Variants in RBFOX1 observed in about 807,000 individuals in gnomAD.
The protein encoded by RBFOX1 is RNA binding protein fox-1 homolog 1.
RBFOX1 carries 8 observed loss-of-function variants against 57.7 expected under a neutral mutation model. The ratio of observed to expected loss-of-function variants is 0.14; its 90% confidence interval spans 0.08 to 0.25. RBFOX1 has a LOEUF of 0.25. RBFOX1 is among the 10% of genes least tolerant of loss of function. RBFOX1 has a pLI of 1.00. For synonymous variants in RBFOX1, 326 were observed against 222.4 expected, an observed-to-expected ratio of 1.47 and a Z score of -4.15; for missense variants, 611 against 548.5, an observed-to-expected ratio of 1.11 and a Z score of -1.14.
At chr16:6,766,940 G>A (rs1261072731) in intron 3 of RBFOX1, among the ~76,000 whole-genome samples, 1 of 152,096 alleles carries the variant, frequency 6.6e-6, no homozygotes, top group Non-Finnish European at 1.5e-5. Context: ...GCAGCCCGTG[G>A]TACTAGCCCT....
intron 2 of RBFOX1, among the ~76,000 whole-genome samples, chr16:6,448,156 CTTTTTTTT>C (rs397969435): frequency 5.1e-5 from 4 of 78,460 alleles, no homozygotes; most frequent in African/African-American, 5.6e-5. Context: ...TCTTTTCTTT[CTTTTTTTT>C]TTTTTTTTTT....
intron 4 of RBFOX1, among the ~76,000 whole-genome samples, chr16:7,166,558 A>G (rs943540397): frequency 1.2e-4 from 19 of 152,122 alleles, no homozygotes; most frequent in Non-Finnish European, 5.9e-5. Context: ...TGGCCAGAGC[A>G]TGGTTAAGGA....
In RBFOX1 at chr16:5,312,876, C is replaced by G. The variant is rs578047703; in HGVS notation, c.219+72771C>G. On this transcript the variant is annotated intron_variant, in intron 1 of 2. Transcript: ENST00000585867. ...GCCCAGAATAGAGAGGCGGACACTG[C>G]AGATTGCAGGATCTGATTTGCAGTC... is the stretch of plus-strand genomic sequence containing the variant. 1.1e-4 allele frequency among the ~76,000 whole-genome samples: 16 copies of G among 152,306 alleles called. 1 individual carries two copies. In the South Asian group the frequency reaches 3.1e-3, roughly 30 times the overall value.
At chr16:6,939,745 C>G (rs1213715386) in intron 3 of RBFOX1, among the ~76,000 whole-genome samples, 1 of 152,050 alleles carries the variant, frequency 6.6e-6, no homozygotes, top group Non-Finnish European at 1.5e-5. Flanking sequence ...CTCCTGGCCT[C>G]AAATGATCAG....
chr16:6,720,974 A>C (rs1689126476), intron 3 of RBFOX1, among the ~76,000 whole-genome samples: 1 of 152,158 alleles, frequency 6.6e-6, no homozygotes, highest in Admixed American at 6.5e-5. Flanking sequence ...ATTCCTACTT[A>C]ACATAAGGAT....
rs558321296 is a variant in RBFOX1 at position 5,545,216 on chromosome 16, G to A, written c.259-53686G>A. Among the ~76,000 whole-genome samples, 9 of 152,210 alleles carry A rather than the reference G, an allele frequency of 5.9e-5. No individual in the cohort carries two copies. In the East Asian group the frequency reaches 1.7e-3, roughly 29 times the overall value. On this transcript the variant is annotated intron_variant, in intron 2 of 2. Coordinates refer to the RBFOX1 transcript ENST00000585867. ...TGGTCTTGAAACCTTGACCTCAGGT[G>A]ATCCAACCGCCTTGGCCTCCCAAAG...
intron 4 of RBFOX1, among the ~76,000 whole-genome samples, chr16:7,081,759 C>A (rs968864595): frequency 1.3e-5 from 2 of 152,020 alleles, no homozygotes; most frequent in Middle Eastern, 3.2e-3. Context: ...ATCACCCTGG[C>A]CTTGGTAACA....
intron 2 of RBFOX1, among the ~76,000 whole-genome samples, chr16:5,496,682 A>T (rs755954434): frequency 1.4e-4 from 21 of 152,090 alleles, no homozygotes; most frequent in Non-Finnish European, 1.5e-4. Context: ...TTGGGATGGG[A>T]TGGGGAAATG....
intron 2 of RBFOX1, among the ~76,000 whole-genome samples, chr16:6,637,412 ATATAATATATAAATATAT>A (rs1282133411): frequency 1.0e-3 from 31 of 31,136 alleles, no homozygotes; most frequent in Admixed American, 2.2e-3. Flanking sequence ...TATATATATT[ATATAATATATAAATATAT>A]TATATAAATA....
At chr16:7,151,089 A>T (rs1015232966) in intron 4 of RBFOX1, among the ~76,000 whole-genome samples, 1 of 152,178 alleles carries the variant, frequency 6.6e-6, no homozygotes. Flanking sequence ...AGTGTATTCT[A>T]CTTTCAGGAA....
intron 2 of RBFOX1, among the ~76,000 whole-genome samples, chr16:6,377,019 C>T (rs971454877): frequency 1.3e-5 from 2 of 151,810 alleles, no homozygotes; most frequent in African/African-American, 2.4e-5. Flanking sequence ...TGCATATAAT[C>T]CCAGTACTTT....
chr16:5,955,325 A>G (rs80241080), intron 4 of RBFOX1, among the ~76,000 whole-genome samples: 40,152 of 82,800 alleles, frequency 0.48, 8,610 homozygotes, highest in Admixed American at 0.52. Context: ...ATAAAATAAA[A>G]TAAAATAAAA....
intron 3 of RBFOX1, among the ~76,000 whole-genome samples, chr16:6,973,590 T>C (rs1237613429): frequency 2.0e-5 from 3 of 152,182 alleles, no homozygotes; most frequent in African/African-American, 7.2e-5. Flanking sequence ...GGATTGTAAA[T>C]GGTGAGGACT....
At chr16:5,891,929 C>G (rs1329086362) in intron 4 of RBFOX1, among the ~76,000 whole-genome samples, 2 of 152,180 alleles carry the variant, frequency 1.3e-5, no homozygotes, top group South Asian at 2.1e-4. Context: ...TCAGTGAGAT[C>G]AACAAGAAGA....
At chr16:6,030,601 G>A (rs1045333642) in intron 1 of RBFOX1, among the ~76,000 whole-genome samples, 2 of 152,206 alleles carry the variant, frequency 1.3e-5, no homozygotes, top group East Asian at 3.9e-4. Flanking sequence ...CAATATAAAG[G>A]TATATAAGGT....
chr16:6,405,341 C>G (rs1228294928), intron 2 of RBFOX1, among the ~76,000 whole-genome samples: 1 of 152,120 alleles, frequency 6.6e-6, no homozygotes, highest in Non-Finnish European at 1.5e-5. Flanking sequence ...CAAGTTGGCT[C>G]CTGAATCTCA....
intron 4 of RBFOX1, among the ~76,000 whole-genome samples, chr16:5,889,190 A>T (rs928939720): frequency 6.6e-6 from 1 of 152,168 alleles, no homozygotes; most frequent in Non-Finnish European, 1.5e-5. Context: ...CTCATCACCT[A>T]GGTAATAAGG....
chr16:7,165,087 G>A (rs1159721728), intron 4 of RBFOX1, among the ~76,000 whole-genome samples: 1 of 152,088 alleles, frequency 6.6e-6, no homozygotes, highest in Non-Finnish European at 1.5e-5. Context: ...TTTGTCTTTG[G>A]TAGCCAAGGA....
chr16:7,410,104 G>T (rs2098408279), intron 4 of RBFOX1, among the ~76,000 whole-genome samples: 2 of 152,154 alleles, frequency 1.3e-5, no homozygotes, highest in Admixed American at 1.3e-4. Context: ...TTGAACATAG[G>T]AAATTGCTGT....
Sources: gnomAD v4.1 joint callset for allele counts (sites outside exome capture counted in the v4.1 genomes callset) on GRCh38, gnomAD v4.1.1 for gene constraint, MANE v1.5 for transcripts, NCBI Gene and HGNC (gene_info 2026-07-23, HGNC 2026-07-21) for gene names.